Variants in AUTS2 observed in about 807,000 individuals in gnomAD.
AUTS2 encodes the protein autism susceptibility gene 2 protein.
AUTS2 carries 17 observed loss-of-function variants against 112.4 expected under a neutral mutation model. The ratio of observed to expected loss-of-function variants is 0.15; its 90% CI spans 0.10 to 0.23. The LOEUF (loss-of-function observed/expected upper bound fraction) is 0.23, where lower values mean the gene tolerates loss of function less well. Ranked by LOEUF, AUTS2 falls within the 10% of genes least tolerant of loss-of-function variation. The pLI, the probability that AUTS2 is intolerant of heterozygous loss-of-function variation, is 1.00. For synonymous variants in AUTS2, 751 were observed against 702.7 expected (o/e 1.07, Z -1.09); for missense variants, 1,510 against 1,701.6 (o/e 0.89, Z 1.98).
At chr7:70,088,388 A>G (rs1803725278) in intron 2 of AUTS2, among the ~76,000 whole-genome samples, 1 of 152,062 alleles carries the variant, frequency 6.6e-6, no homozygotes, top group Non-Finnish European at 1.5e-5. Flanking sequence ...CAGCCTCCCA[A>G]AGTGCTGGGA....
At chr7:70,137,834 C>A (rs928952163) in intron 4 of AUTS2, among the ~76,000 whole-genome samples, 5 of 152,166 alleles carry the variant, frequency 3.3e-5, no homozygotes, top group African/African-American at 1.2e-4. Flanking sequence ...CAATGTTGTG[C>A]AAAGTAGGTT....
At chr7:69,636,480 G>GCAC (rs750144181) in intron 1 of AUTS2, among the ~76,000 whole-genome samples, 1 of 16,098 alleles carries the variant, frequency 6.2e-5, no homozygotes, top group African/African-American at 3.4e-4. Context: ...AGTGATCCGC[G>GCAC]CCCCCCCCCC....
intron 5 of AUTS2, among the ~76,000 whole-genome samples, chr7:70,572,558 G>A (rs1043286738): frequency 2.0e-5 from 3 of 152,114 alleles, no homozygotes; most frequent in African/African-American, 7.2e-5. Flanking sequence ...TTAAAATATT[G>A]TTGAGACAGC....
intron 2 of AUTS2, among the ~76,000 whole-genome samples, chr7:69,900,472 T>A (rs1401977062): frequency 6.6e-6 from 1 of 152,160 alleles, no homozygotes; most frequent in Non-Finnish European, 1.5e-5. Context: ...ACCACACAGA[T>A]CTTGAGAATC....
At chr7:70,387,974 T>G (rs1262153109) in intron 4 of AUTS2, among the ~76,000 whole-genome samples, 2 of 152,234 alleles carry the variant, frequency 1.3e-5, no homozygotes, top group Non-Finnish European at 2.9e-5. Flanking sequence ...TTATCCTAAA[T>G]TACAAGGCCT....
chr7:70,428,925 T>A (rs1795539303), intron 4 of AUTS2, among the ~76,000 whole-genome samples: 1 of 151,302 alleles, frequency 6.6e-6, no homozygotes, highest in South Asian at 2.1e-4. Context: ...AAAACACAGA[T>A]ACCGAGATTC....
intron 10 of AUTS2, among the ~76,000 whole-genome samples, chr7:70,769,858 C>T (rs940813780): frequency 2.6e-5 from 4 of 152,010 alleles, no homozygotes; most frequent in East Asian, 1.9e-4. Flanking sequence ...ATTACTTAGG[C>T]GCTTCAGGTT....
intron 5 of AUTS2, among the ~76,000 whole-genome samples, chr7:70,455,846 C>A (rs1198423678): frequency 6.6e-6 from 1 of 152,108 alleles, no homozygotes; most frequent in Non-Finnish European, 1.5e-5. Flanking sequence ...CTAAAAGCAA[C>A]CCTGGGACTA....
chr7:69,853,433 C>A (rs1792578804), intron 1 of AUTS2, among the ~76,000 whole-genome samples: 1 of 152,072 alleles, frequency 6.6e-6, no homozygotes, highest in South Asian at 2.1e-4. Flanking sequence ...TTATTTTATT[C>A]ATGTAGGTAC....
chr7:69,603,473 T>C (rs1219974367), intron 1 of AUTS2, among the ~76,000 whole-genome samples: 1 of 152,246 alleles, frequency 6.6e-6, no homozygotes, highest in African/African-American at 2.4e-5. Flanking sequence ...GTTGTTGGAT[T>C]CTTTTTTGAG....
intron 5 of AUTS2, among the ~76,000 whole-genome samples, chr7:70,478,202 A>G (rs1312817890): frequency 6.6e-6 from 1 of 152,206 alleles, no homozygotes; most frequent in African/African-American, 2.4e-5. Context: ...TATAAAAGTA[A>G]GACGTGTTCA....
At chr7:70,517,655 G>C (rs531851497) in intron 5 of AUTS2, among the ~76,000 whole-genome samples, 1 of 149,650 alleles carries the variant, frequency 6.7e-6, no homozygotes, top group South Asian at 2.1e-4. Flanking sequence ...TGTATAATTT[G>C]CCCAGAAACA....
At chr7:70,598,295 T>A (rs1585354704) in intron 5 of AUTS2, among the ~76,000 whole-genome samples, 1 of 152,116 alleles carries the variant, frequency 6.6e-6, no homozygotes, top group African/African-American at 2.4e-5. Flanking sequence ...AGAACCACGG[T>A]TTCTCAGTGC....
chr7:70,094,054 T>A (rs1416335956), intron 2 of AUTS2, among the ~76,000 whole-genome samples: 1 of 152,192 alleles, frequency 6.6e-6, no homozygotes, highest in Admixed American at 6.5e-5. Flanking sequence ...CTTTGTGCCC[T>A]TTTCTTTCAT....
At chr7:70,635,491 CT>C (rs1260141771) in intron 5 of AUTS2, among the ~76,000 whole-genome samples, 1 of 152,232 alleles carries the variant, frequency 6.6e-6, no homozygotes, top group Non-Finnish European at 1.5e-5. Context: ...AGGGCTTCAT[CT>C]GAGGACCCGA....
intron 5 of AUTS2, among the ~76,000 whole-genome samples, chr7:70,613,483 G>A (rs1370115725): frequency 6.6e-6 from 1 of 152,144 alleles, no homozygotes; most frequent in Non-Finnish European, 1.5e-5. Flanking sequence ...GATTGACCCT[G>A]GTGAGAACTC....
intron 5 of AUTS2, among the ~76,000 whole-genome samples, chr7:70,476,300 G>A (rs1051239516): frequency 1.3e-5 from 2 of 152,064 alleles, no homozygotes; most frequent in Non-Finnish European, 2.9e-5. Context: ...GAGCCCTCAC[G>A]TGAGGCTCAC....
At chr7:70,696,975 T>C (rs982457307) in intron 5 of AUTS2, among the ~76,000 whole-genome samples, 1 of 152,228 alleles carries the variant, frequency 6.6e-6, no homozygotes. Flanking sequence ...CACTTTTTCA[T>C]GAAAGGATGG....
intron 6 of AUTS2, among the ~76,000 whole-genome samples, chr7:70,752,120 G>T (rs891306738): frequency 6.6e-6 from 1 of 152,004 alleles, no homozygotes; most frequent in Non-Finnish European, 1.5e-5. Context: ...AGGCAGGGGT[G>T]GACAGGCCAG....
Sources: gnomAD v4.1 joint callset for allele counts (sites outside exome capture counted in the v4.1 genomes callset) on GRCh38, gnomAD v4.1.1 for gene constraint, MANE v1.5 for transcripts, NCBI Gene and HGNC (gene_info 2026-07-23, HGNC 2026-07-21) for gene names.